Variants in UBR4 observed in about 807,000 individuals in gnomAD.
The protein encoded by UBR4 is E3 ubiquitin-protein ligase UBR4.
In UBR4, 124 loss-of-function variants were observed where a neutral mutation model predicts 575.6. The ratio of observed to expected loss-of-function variants is 0.22; its 90% CI spans 0.19 to 0.25. The LOEUF (loss-of-function observed/expected upper bound fraction) is 0.25. Among genes scored for constraint, UBR4 ranks in the 10% least tolerant of loss-of-function variants. UBR4 has a pLI of 1.00. For missense variants in UBR4, 4,818 were observed against 6,478.8 expected (o/e 0.74, Z 8.80); for synonymous variants, 2,455 against 2,473.7 (o/e 0.99, Z 0.22).
Position 19,099,663 on chromosome 1 carries a change from A to G in UBR4, c.13236T>C (p.Asn4412=), listed in dbSNP as rs1234033757. ...CAGGAAGGTCCAAACTAATGATTTT[A>G]TTGTTCACTAGAAGCTGAACAGAAA... The part of the protein sequence containing the change: ...DDSGMELLVN[N]KIISLDLPVA... The change falls in exon 90 of 106, where the codon AAT becomes AAC. Residue 4412 remains asparagine (N), a synonymous_variant. Transcript: ENST00000375254. The G allele has an allele frequency of 6.8e-6, 11 of 1,613,836 alleles. No individual in the cohort carries two copies. The African/African-American group carries it at 1.5e-4, about 22-fold the overall frequency.
Position 19,119,721 on chromosome 1 carries a change from C to T in UBR4, c.10311-20G>A. ...GAATTTCTGTGGATATATGACAGCT[C>T]ATGTTACCAAGCAGCAGAAAACCCT... On this transcript the variant is annotated intron_variant, in intron 69 of 105. Transcript: ENST00000375254. The T allele has an allele frequency of 6.3e-7, 1 of 1,591,244 alleles. No homozygotes were observed. Among genetic ancestry groups the T allele is most frequent in the South Asian group, 1.1e-5 (1 of 90,410 alleles).
chr1:19,163,984 T>C (rs2150620472), intron 33 of UBR4, among the ~76,000 whole-genome samples, 157 bp from the exon 34 acceptor site: 1 of 152,172 alleles, frequency 6.6e-6, no homozygotes, highest in East Asian at 1.9e-4. Context: ...GTTACATAGC[T>C]TGGGGTGCTC....
intron 25 of UBR4, among the ~76,000 whole-genome samples, chr1:19,171,723 C>G (rs1450283564): frequency 1.3e-5 from 2 of 152,114 alleles, no homozygotes; most frequent in African/African-American, 2.4e-5. Flanking sequence ...GTGGTATGCA[C>G]CTGTCATCCC....
At chr1:19,174,492 AT>A in intron 21 of UBR4, 45 bp from the exon 22 acceptor site, 1 of 1,594,500 alleles carries the variant, frequency 6.3e-7, no homozygotes, top group Non-Finnish European at 8.5e-7. Flanking sequence ...CTTTTAAAGT[AT>A]TTTTTCCTAC....
intron 52 of UBR4, 54 bp downstream of exon 52, chr1:19,146,772 T>C (rs950305971): frequency 6.4e-7 from 1 of 1,564,844 alleles, no homozygotes; most frequent in African/African-American, 1.4e-5. Flanking sequence ...AATGAGAGGG[T>C]AAATAGGCAT....
chr1:19,207,675 T>C (rs868108121), intron 1 of UBR4, among the ~76,000 whole-genome samples: 2 of 151,976 alleles, frequency 1.3e-5, no homozygotes, highest in South Asian at 2.1e-4. Flanking sequence ...AGAATAATGA[T>C]AGCAGGGTAT....
At chr1:19,143,371 C>T (rs2084366220) in intron 55 of UBR4, among the ~76,000 whole-genome samples, 1 of 152,038 alleles carries the variant, frequency 6.6e-6, no homozygotes, top group African/African-American at 2.4e-5. Context: ...CTAAATCAAG[C>T]CAAGTAACCA....
At position 19,197,934 on chromosome 1, in the gene UBR4, T is replaced by C. The variant is rs568384778; in HGVS notation, c.751+13A>G. The C allele has an allele frequency of 2.9e-5, 46 of 1,613,984 alleles. No individual in the cohort carries two copies. The Middle Eastern group carries it at 4.9e-4, about 17-fold the overall frequency. ...CCAGAAATCAGCTTTCTGATAACAG[T>C]TGGGAGTCTTACCAAGCTCTTGAAG... On this transcript the variant is annotated intron_variant, in intron 6 of 105. Transcript: ENST00000375254.
chr1:19,174,229 A>G (rs1048431095), intron 22 of UBR4, 90 bp downstream of exon 22: 18 of 1,509,486 alleles, frequency 1.2e-5, no homozygotes, highest in Admixed American at 2.3e-5. Context: ...AATATTCAAT[A>G]AACTGGTTAC....
chr1:19,117,971 C>CA lies in UBR4; in HGVS notation c.10542-62dup, dbSNP rs1004490081. ...TCATCTTAGGAAGCACTGAGTTTCA[C>CA]AAAAAAATCATGACAAAGCCATGGC... On this transcript the variant is annotated intron_variant, in intron 71 of 105. Transcript: ENST00000375254. This position sits in a 1 kb window ranked among gnomAD's most constrained non-coding sequence, Gnocchi z 4.0. 1.2e-5 allele frequency: 19 copies of CA among 1,522,518 alleles called. No individual in the cohort carries two copies. The highest frequency in any genetic ancestry group is 4.5e-5 in the South Asian group (4 of 88,616). The allele number at this position is 1,522,518 out of a possible 1,614,324, so 94.3% of individuals were successfully genotyped here. A position where few individuals can be genotyped will look rare whatever the true frequency, so the allele number is the denominator to read the frequency against.
At chr1:19,159,806 T>C (rs1311054793) in intron 39 of UBR4, among the ~76,000 whole-genome samples, 1 of 152,104 alleles carries the variant, frequency 6.6e-6, no homozygotes, top group Admixed American at 6.5e-5. Context: ...GGTTTCACCA[T>C]GTTGCCAAGG....
At chr1:19,107,872 A>G (rs1237578145) in intron 81 of UBR4, among the ~76,000 whole-genome samples, 1 of 152,252 alleles carries the variant, frequency 6.6e-6, no homozygotes, top group Non-Finnish European at 1.5e-5. Flanking sequence ...TTATTTGTCA[A>G]CATAAATTTT....
At position 19,167,113 on chromosome 1, in the gene UBR4, G is replaced by A; in HGVS notation, c.4018C>T (p.Pro1340Ser). 5 of 1,614,174 alleles carry A rather than the reference G, an allele frequency of 3.1e-6. No homozygotes were observed. The highest frequency in any genetic ancestry group is 4.2e-6 in the Non-Finnish European group (5 of 1,180,032). The change falls in exon 29 of 106, where the codon CCT (proline) becomes TCT (serine). Residue 1340 changes from proline to serine, a missense_variant. By Grantham distance (74) the Pro-to-Ser change is moderately conservative. This residue lies in a region of UBR4 where 1,172 missense variants were observed against 1,259.7 expected (regional missense o/e 0.93). Transcript: ENST00000375254. ...SSNSLERILG[P>S]AESDEFLARV... is the part of the protein sequence containing the mutation. ...GCCAAGAACTCATCAGACTCAGCAG[G>A]GCCCAAGATGCGTTCCAGGGAGTTG...
chr1:19,172,842 C>T (rs1389130312), intron 25 of UBR4, 22 bp downstream of exon 25: 1 of 1,611,066 alleles, frequency 6.2e-7, no homozygotes, highest in African/African-American at 1.3e-5. Context: ...ATGTGCATCT[C>T]TGGGCAGGCA....
intron 90 of UBR4, among the ~76,000 whole-genome samples, chr1:19,098,193 C>T (rs987303616): frequency 7.2e-5 from 11 of 152,170 alleles, no homozygotes; most frequent in Non-Finnish European, 7.3e-5. Flanking sequence ...GAAGTGTTTC[C>T]GGCTATAGAA....
chr1:19,113,917 C>T, intron 76 of UBR4, 28 bp downstream of exon 76: 1 of 1,614,226 alleles, frequency 6.2e-7, no homozygotes, highest in Non-Finnish European at 8.5e-7. Flanking sequence ...AAGCCCTTAT[C>T]CAAATGCCCT....
At chr1:19,108,309 T>C (rs2149241828) in intron 81 of UBR4, among the ~76,000 whole-genome samples, 1 of 152,316 alleles carries the variant, frequency 6.6e-6, no homozygotes, top group African/African-American at 2.4e-5. Flanking sequence ...CAGTTCTTCT[T>C]AAAGCTCACT....
In UBR4 at chr1:19,201,752, A is replaced by C. The variant is rs766923300; in HGVS notation, c.240T>G (p.Leu80=). 3.0e-5 allele frequency: 49 copies of C among 1,614,016 alleles called. No homozygotes were observed. The East Asian group carries it at 1.1e-3, about 35-fold the overall frequency. ...AAACTGTTGTAATATAGTGTGTGGAAAGTGCAACAAAAGATGAGTAGAATG... is the reference window on the plus strand; with the variant it reads ...AAACTGTTGTAATATAGTGTGTGGACAGTGCAACAAAAGATGAGTAGAATG... The part of the protein sequence containing the change: ...YEPFYSSFVA[L]STHYITTVCS... Residue 80 remains leucine (L), a synonymous_variant, in exon 2 of 106, where the codon CTT becomes CTG. Transcript: ENST00000375254.
intron 97 of UBR4, among the ~76,000 whole-genome samples, chr1:19,090,301 A>G (rs999184322): frequency 2.8e-4 from 42 of 152,210 alleles, no homozygotes; most frequent in Non-Finnish European, 3.2e-4. Flanking sequence ...AAGCCTGTCA[A>G]CTGTTCTTCC....
Sources: gnomAD v4.1 joint callset for allele counts (sites outside exome capture counted in the v4.1 genomes callset) on GRCh38, gnomAD v4.1.1 for gene constraint, gnomAD v4.1.1 regional missense constraint, Gnocchi (gnomAD v3.1) non-coding constraint, MANE v1.5 for transcripts, NCBI Gene and HGNC (gene_info 2026-07-23, HGNC 2026-07-21) for gene names.